Variants in RNF167 observed in about 807,000 individuals in gnomAD.
RNF167 encodes the protein E3 ubiquitin-protein ligase RNF167.
In RNF167, 19 loss-of-function variants were observed where a neutral mutation model predicts 34.8. The ratio of observed to expected loss-of-function variants is 0.55; its 90% CI spans 0.38 to 0.80. The LOEUF (loss-of-function observed/expected upper bound fraction) is 0.80, where lower values mean the gene tolerates loss of function less well. Among genes scored for constraint, RNF167 ranks in the 30% least tolerant of loss-of-function variants. The pLI is 0.00. For synonymous variants in RNF167, 200 were observed against 170.4 expected, an observed-to-expected ratio of 1.17 and a Z score of -1.35; for missense variants, 464 against 447.0, an observed-to-expected ratio of 1.04 and a Z score of -0.34.
At position 4,940,520 on chromosome 17, in the gene RNF167, T is replaced by G. The variant is rs1412249289; in HGVS notation, c.-390T>G. 3 of 191,518 alleles carry G rather than the reference T, an allele frequency of 1.6e-5. No homozygotes were observed. In the Admixed American group the frequency reaches 1.8e-4, roughly 12 times the overall value. The allele number at this position is 191,518 out of a possible 1,614,324, so 11.9% of individuals were successfully genotyped here. ...GTCCTTCATCTCAAGCATCCAATGC[T>G]GAAAGCGGCCTGATTTTCTCTACCG... On this transcript the variant is annotated 5_prime_UTR_variant, in exon 2 of 10. Transcript: ENST00000262482.
At position 4,945,106 on chromosome 17, in the gene RNF167, C is replaced by G; in HGVS notation, c.*90C>G. On this transcript the variant is annotated 3_prime_UTR_variant, in exon 10 of 10. Coordinates refer to ENST00000262482, the MANE Select transcript of RNF167 (RefSeq NM_015528.3). ...CTGAGGGATAGGGGACATTCCATCC[C>G]AAGCTTCTCCCTTACCCACACCTAT... The G allele has an allele frequency of 8.2e-7, 1 of 1,223,978 alleles. No homozygotes were observed. The highest frequency in any genetic ancestry group is 1.1e-6 in the Non-Finnish European group (1 of 889,778). The allele number at this position is 1,223,978 out of a possible 1,614,324, so 75.8% of individuals were successfully genotyped here. A position where few individuals can be genotyped will look rare whatever the true frequency, so the allele number is the denominator to read the frequency against.
rs958196952 is a variant in RNF167, at chr17:4,940,736, C to G, written c.-174C>G. Reference sequence around the variant, plus strand: ...CAGCTCCACTAAACGGGTTGGATATCTCATTCTTTGAGTTGGTGTTCCTTC... The same window carrying G: ...CAGCTCCACTAAACGGGTTGGATATGTCATTCTTTGAGTTGGTGTTCCTTC... On this transcript the variant is annotated 5_prime_UTR_variant, in exon 2 of 10. The change creates a new upstream start codon in the 5' untranslated region. Coordinates refer to ENST00000262482, the MANE Select transcript of RNF167 (RefSeq NM_015528.3). 21 of 559,452 alleles carry G rather than the reference C, an allele frequency of 3.8e-5. No homozygotes were observed. In the East Asian group the frequency reaches 6.3e-4, roughly 17 times the overall value. The allele number at this position is 559,452 out of a possible 1,614,324, so 34.7% of individuals were successfully genotyped here.
chr17:4,943,133 C>T (rs1298187446), intron 6 of RNF167, 46 bp from the exon 7 acceptor site: 10 of 1,545,876 alleles, frequency 6.5e-6, no homozygotes, highest in Non-Finnish European at 8.9e-6. Flanking sequence ...CTTTTTTTCT[C>T]CCTTTGCCTT....
chr17:4,944,605 G>A lies in RNF167; in HGVS notation c.718G>A (p.Gly240Arg). Residue 240 changes from glycine (G) to arginine (R), a missense_variant, in exon 9 of 10, where the codon GGG becomes AGG. Physicochemically the swap from Gly to Arg is moderately radical, Grantham distance 125. Transcript: ENST00000262482. ...CAICLDEYED[G>R]DKLRVLPCAH... is the part of the protein sequence containing the mutation. ...CATTTGCCTGGATGAATATGAGGAT[G>A]GGGACAAGCTGCGGGTACTCCCCTG... is the stretch of plus-strand genomic sequence containing the variant. 2 of 1,611,786 alleles carry A rather than the reference G, an allele frequency of 1.2e-6. No individual in the cohort carries two copies. Among genetic ancestry groups the A allele is most frequent in the Non-Finnish European group, 1.7e-6 (2 of 1,179,000 alleles).
In RNF167 at chr17:4,945,061, G is replaced by C. The variant is rs747063000; in HGVS notation, c.*45G>C. ...CTCTGGTGACCTATTTGCACAGACC[G>C]TCGTCTTCCCTCCAGTCTTCTGAGG... On this transcript the variant is annotated 3_prime_UTR_variant, in exon 10 of 10. Transcript: ENST00000262482. The C allele has an allele frequency of 5.5e-6, 8 of 1,458,238 alleles. No homozygotes were observed. The Admixed American group carries it at 7.2e-5, about 13-fold the overall frequency. 90.3% of individuals were successfully genotyped at this position (1,458,238 alleles called of 1,614,324 possible). A position where few individuals can be genotyped will look rare whatever the true frequency, so the allele number is the denominator to read the frequency against.
Position 4,943,650 on chromosome 17 carries a change from C to T in RNF167, c.670+131C>T. ...GTGGCTCACGTAATCCCAAGTGCCTCTAATCCCAGTACTTTGGGAGGCCAA... is the reference window on the plus strand; with the variant it reads ...GTGGCTCACGTAATCCCAAGTGCCTTTAATCCCAGTACTTTGGGAGGCCAA... On this transcript the variant is annotated intron_variant, in intron 8 of 9. Transcript: ENST00000262482. 12 of 758,584 alleles carry T rather than the reference C, an allele frequency of 1.6e-5. No homozygotes were observed. The Admixed American group carries it at 2.6e-4, about 17-fold the overall frequency. 47.0% of individuals were successfully genotyped at this position (758,584 alleles called of 1,614,324 possible).
rs1282732571 is a variant in RNF167 at position 4,942,486 on chromosome 17, G to A, written c.291+20G>A. On this transcript the variant is annotated intron_variant, in intron 4 of 9. Coordinates refer to ENST00000262482, the MANE Select transcript of RNF167 (RefSeq NM_015528.3). ...CTCAAGGTTGCTGAATGAGGAAGGGGAGCTGGGCAGCTGAGGGTAAAAAAA... is the reference window on the plus strand; with the variant it reads ...CTCAAGGTTGCTGAATGAGGAAGGGAAGCTGGGCAGCTGAGGGTAAAAAAA... 4 of 1,613,764 alleles carry A rather than the reference G, an allele frequency of 2.5e-6. No individual in the cohort carries two copies. Among genetic ancestry groups the A allele is most frequent in the South Asian group, 1.1e-5 (1 of 91,074 alleles).
At chr17:4,944,487 A>G in intron 8 of RNF167, 71 bp from the exon 9 acceptor site, 2 of 1,509,848 alleles carry the variant, frequency 1.3e-6, no homozygotes, top group Non-Finnish European at 1.8e-6. Context: ...AATTTTTGCA[A>G]GGCTTTAAAA....
In RNF167 at chr17:4,943,148, G is replaced by A. The variant is rs192783162; in HGVS notation, c.471-31G>A. The A allele has an allele frequency of 2.6e-4, 415 of 1,589,936 alleles. 1 individual carries two copies. Among genetic ancestry groups the A allele is most frequent in the Middle Eastern group, 8.5e-4 (5 of 5,862 alleles). On this transcript the variant is annotated intron_variant, in intron 6 of 9. Transcript: ENST00000262482. ...CTTTTTTTCTCCCTTTGCCTTTCTC[G>A]CCCTGCTGAGACTGGTCATCCTTTT...
intron 8 of RNF167, 118 bp from the exon 9 acceptor site, chr17:4,944,440 T>C (rs1971171895): frequency 2.0e-6 from 3 of 1,474,556 alleles, no homozygotes; most frequent in Non-Finnish European, 2.7e-6. Flanking sequence ...CCTGCCTACC[T>C]GTCTTATCTC....
chr17:4,943,051 C>G, intron 6 of RNF167, 110 bp downstream of exon 6: 3 of 1,309,360 alleles, frequency 2.3e-6, no homozygotes, highest in Non-Finnish European at 3.3e-6. Flanking sequence ...CCTTCCTTCC[C>G]TGCCTCTTTG....
intron 8 of RNF167, chr17:4,944,336 C>A: frequency 8.8e-7 from 1 of 1,131,778 alleles, no homozygotes; most frequent in Non-Finnish European, 1.1e-6. Context: ...TCCACCCTCA[C>A]ACCTCCCCAA....
chr17:4,942,632 C>G lies in RNF167; in HGVS notation c.347C>G (p.Ser116Cys), dbSNP rs1567658246. 6.2e-7 allele frequency: 1 copy of G among 1,614,144 alleles called. No homozygotes were observed. The highest frequency in any genetic ancestry group is 1.7e-5 in the Admixed American group (1 of 60,002). Residue 116 changes from serine to cysteine, a missense_variant, in exon 5 of 10, where the codon TCC becomes TGC. Physicochemically the swap from Ser to Cys is moderately radical, Grantham distance 112 (BLOSUM62 -1). Transcript: ENST00000262482. Reference protein sequence around the residue: ...YGAAVVHNVNSNELLNMVWNS... With the variant: ...YGAAVVHNVNCNELLNMVWNS... ...GCCGCTGTAGTACACAATGTGAATT[C>G]CAATGAACTTCTGAACATGGTGTGG... is the stretch of plus-strand genomic sequence containing the variant.
chr17:4,940,915 C>A lies in RNF167; in HGVS notation c.6C>A (p.His2Gln). 3 of 1,605,116 alleles carry A rather than the reference C, an allele frequency of 1.9e-6. No individual in the cohort carries two copies. Among genetic ancestry groups the A allele is most frequent in the Non-Finnish European group, 2.6e-6 (3 of 1,174,644 alleles). M[H>Q]PAAFPLPVVV... is the part of the protein sequence containing the mutation. ...GCCTCTTTCCTCCCGCTGCCATGCA[C>A]CCTGCAGCCTTCCCGCTTCCTGTGG... Residue 2 changes from histidine to glutamine, a missense_variant, in exon 2 of 10, where the codon CAC (histidine) becomes CAA (glutamine). By Grantham distance (24) the His-to-Gln change is conservative (BLOSUM62 0). Transcript: ENST00000262482.
At chr17:4,944,491 TTTA>T in intron 8 of RNF167, 64 bp from the exon 9 acceptor site, 1 of 1,516,074 alleles carries the variant, frequency 6.6e-7, no homozygotes, top group Non-Finnish European at 8.8e-7. Flanking sequence ...TTTGCAAGGC[TTTA>T]AAAGCCTTAG....
intron 8 of RNF167, among the ~76,000 whole-genome samples, chr17:4,944,093 G>C (rs1231209270): frequency 6.6e-6 from 1 of 152,216 alleles, no homozygotes. Context: ...AGACGGGAGA[G>C]GAGATGGAAA....
In RNF167 at chr17:4,944,833, G is replaced by A. The variant is rs1971238097; in HGVS notation, c.870G>A (p.Gly290=). Residue 290 remains glycine, a synonymous_variant, in exon 10 of 10, where the codon GGG becomes GGA. Transcript: ENST00000262482. ...AAGACCAAGAGGAAGAAACTCAAGG[G>A]CAAGAGGAGGGTGATGAAGGGGAGC... ...GDEDQEEETQ[G]QEEGDEGEPR... 1 of 1,613,202 alleles carries A rather than the reference G, an allele frequency of 6.2e-7. No individual in the cohort carries two copies. Among genetic ancestry groups the A allele is most frequent in the African/African-American group, 1.3e-5 (1 of 74,896 alleles).
At position 4,944,709 on chromosome 17, in the gene RNF167, C is replaced by G. The variant is rs1234343087; in HGVS notation, c.752-6C>G. On this transcript the variant is annotated splice_polypyrimidine_tract_variant and splice_region_variant and intron_variant, in intron 9 of 9. Coordinates refer to ENST00000262482, the MANE Select transcript of RNF167 (RefSeq NM_015528.3). ...ACCAGGTGCTTCACCTTGTTCCTCT[C>G]TGCAGCCTACCACAGCCGCTGCGTG... The G allele has an allele frequency of 8.7e-6, 14 of 1,614,164 alleles. No homozygotes were observed. The South Asian group carries it at 1.4e-4, about 16-fold the overall frequency.
upstream of RNF167, chr17:4,940,203 AGTTT>A (rs1970641517): frequency 6.2e-6 from 2 of 321,498 alleles, no homozygotes; most frequent in South Asian, 1.6e-4. Context: ...AATAGAGAAG[AGTTT>A]GTTTGAAGGT....
Sources: gnomAD v4.1 joint callset for allele counts (sites outside exome capture counted in the v4.1 genomes callset) on GRCh38, gnomAD v4.1.1 for gene constraint, MANE v1.5 for transcripts, NCBI Gene and HGNC (gene_info 2026-07-23, HGNC 2026-07-21) for gene names.